RAPGEF4: variants seen among roughly 807,000 people sequenced by gnomAD.
The protein encoded by RAPGEF4 is RAP guanine-nucleotide-exchange factor (GEF) 4.
A neutral mutation model predicts 147.9 loss-of-function variants in RAPGEF4; 66 were observed. The ratio of observed to expected loss-of-function variants is 0.45; its 90% confidence interval spans 0.37 to 0.55. The LOEUF (loss-of-function observed/expected upper bound fraction) is 0.55. Ranked by LOEUF, RAPGEF4 falls within the 20% of genes least tolerant of loss-of-function variation. RAPGEF4 has a pLI of 0.00. For missense variants in RAPGEF4, 1,071 were observed against 1,257.3 expected, an observed-to-expected ratio of 0.85 and a Z score of 2.24; for synonymous variants, 419 against 442.7, an observed-to-expected ratio of 0.95 and a Z score of 0.67.
intron 6 of RAPGEF4, among the ~76,000 whole-genome samples, chr2:172,959,515 C>CT (rs1035742325): frequency 5.3e-5 from 8 of 151,264 alleles, no homozygotes; most frequent in African/African-American, 1.2e-4. Context: ...AGGACATAAA[C>CT]TTTTTTTTTA....
intron 6 of RAPGEF4, among the ~76,000 whole-genome samples, chr2:172,940,543 A>T (rs1414169720): frequency 3.3e-5 from 5 of 152,070 alleles, no homozygotes; most frequent in African/African-American, 1.2e-4. Context: ...TTCACCTTCC[A>T]CCATGAGTAA....
intron 4 of RAPGEF4, among the ~76,000 whole-genome samples, chr2:172,857,174 G>GCACACACACACA (rs34315927): frequency 7.3e-5 from 11 of 150,160 alleles, no homozygotes; most frequent in African/African-American, 2.7e-4. Context: ...GTGTGCGCGC[G>GCACACACACACA]CACACACACA....
intron 6 of RAPGEF4, among the ~76,000 whole-genome samples, chr2:172,928,625 G>A (rs1685613066): frequency 6.6e-6 from 1 of 152,036 alleles, no homozygotes; most frequent in Admixed American, 6.6e-5. Context: ...TTCTATGTTT[G>A]GTTTCTTTGC....
At chr2:172,843,776 T>C (rs1416504699) in intron 4 of RAPGEF4, among the ~76,000 whole-genome samples, 7 of 152,234 alleles carry the variant, frequency 4.6e-5, no homozygotes, top group Admixed American at 1.3e-4. Flanking sequence ...TGGATGAGAA[T>C]AGCGTTACTT....
At chr2:172,883,242 A>G (rs150899234) in intron 4 of RAPGEF4, among the ~76,000 whole-genome samples, 153 of 152,370 alleles carry the variant, frequency 1.0e-3, no homozygotes, top group African/African-American at 3.4e-3. Context: ...TGAGAAGTCC[A>G]AGGTGGAAGG....
chr2:172,967,037 C>A, intron 9 of RAPGEF4: 1 of 429,480 alleles, frequency 2.3e-6, no homozygotes, highest in Non-Finnish European at 4.1e-6. Flanking sequence ...CCACAGAGGC[C>A]GAGGAGATGG....
At chr2:173,043,199 A>G (rs1420537536) in intron 29 of RAPGEF4, among the ~76,000 whole-genome samples, 1 of 152,248 alleles carries the variant, frequency 6.6e-6, no homozygotes, top group African/African-American at 2.4e-5. Flanking sequence ...AGCAAGGAGT[A>G]ATTAACAAAG....
chr2:172,873,821 A>C (rs1354182102), intron 4 of RAPGEF4, among the ~76,000 whole-genome samples: 1 of 152,266 alleles, frequency 6.6e-6, no homozygotes, highest in Non-Finnish European at 1.5e-5. Context: ...TAATATCCAG[A>C]ACCTACAAAG....
intron 6 of RAPGEF4, among the ~76,000 whole-genome samples, chr2:172,953,193 A>G (rs1358843306): frequency 6.7e-6 from 1 of 149,370 alleles, no homozygotes; most frequent in Non-Finnish European, 1.5e-5. Context: ...TATAATAGCT[A>G]TCTATTATAG....
chr2:172,819,594 T>C (rs1317994878), intron 4 of RAPGEF4, among the ~76,000 whole-genome samples: 1 of 147,294 alleles, frequency 6.8e-6, no homozygotes, highest in Non-Finnish European at 1.5e-5. Context: ...GCCTCCCAAG[T>C]AGCTGGGACT....
intron 6 of RAPGEF4, among the ~76,000 whole-genome samples, chr2:172,933,190 T>C (rs1686168992): frequency 6.6e-6 from 1 of 152,144 alleles, no homozygotes; most frequent in Admixed American, 6.5e-5. Flanking sequence ...CTAAATTCTT[T>C]GAATCCTAGG....
chr2:172,776,698 TC>T (rs1275861882), intron 1 of RAPGEF4, among the ~76,000 whole-genome samples: 1 of 152,208 alleles, frequency 6.6e-6, no homozygotes, highest in Non-Finnish European at 1.5e-5. Flanking sequence ...TCCTTTTTTT[TC>T]TGCAGTGCCC....
chr2:172,854,992 C>T (rs1693258796), intron 4 of RAPGEF4, among the ~76,000 whole-genome samples: 1 of 152,122 alleles, frequency 6.6e-6, no homozygotes, highest in Non-Finnish European at 1.5e-5. Flanking sequence ...CATTGACTAA[C>T]TTTAAAGAAC....
intron 4 of RAPGEF4, among the ~76,000 whole-genome samples, chr2:172,836,328 C>A (rs1055485488): frequency 6.6e-6 from 1 of 152,156 alleles, no homozygotes; most frequent in Non-Finnish European, 1.5e-5. Flanking sequence ...GAAGCAAATG[C>A]CTCAAAGACT....
At chr2:172,964,730 C>T (rs538997787) in intron 8 of RAPGEF4, among the ~76,000 whole-genome samples, 2 of 152,304 alleles carry the variant, frequency 1.3e-5, no homozygotes, top group Non-Finnish European at 1.5e-5. Flanking sequence ...ATCACTAGGA[C>T]TTCAAGATTC....
chr2:172,797,479 A>C, intron 2 of RAPGEF4, 46 bp from the exon 3 acceptor site: 1 of 1,515,060 alleles, frequency 6.6e-7, no homozygotes, highest in South Asian at 1.2e-5. Flanking sequence ...ATATAGTAAA[A>C]CCAAGTTGTA....
intron 6 of RAPGEF4, among the ~76,000 whole-genome samples, chr2:172,936,525 T>A (rs1277209300): frequency 1.3e-5 from 2 of 152,326 alleles, no homozygotes; most frequent in African/African-American, 4.8e-5. Context: ...TAAGGATTTT[T>A]AAAATTAGTT....
intron 23 of RAPGEF4, among the ~76,000 whole-genome samples, chr2:173,022,569 C>G (rs1186134516): frequency 6.6e-6 from 1 of 152,198 alleles, no homozygotes; most frequent in Non-Finnish European, 1.5e-5. Flanking sequence ...GTTGGCCACA[C>G]TCTCTGATCC....
At chr2:172,767,418 A>T (rs571204010) in intron 1 of RAPGEF4, among the ~76,000 whole-genome samples, 1 of 152,260 alleles carries the variant, frequency 6.6e-6, no homozygotes, top group Admixed American at 6.5e-5. Flanking sequence ...ACCTCAAATG[A>T]TCCACCTGCC....
Sources: allele counts gnomAD v4.1 joint callset (sites outside exome capture counted in the v4.1 genomes callset), GRCh38; gene constraint gnomAD v4.1.1; transcripts MANE v1.5; gene names NCBI Gene and HGNC (gene_info 2026-07-23, HGNC 2026-07-21).